The following MTMR7 variants were observed in gnomAD, a reference collection of about 807,000 sequenced individuals.
MTMR7 encodes myotubularin related protein 7, also known as phosphatidylinositol-3-phosphate phosphatase MTMR7.
Under a neutral mutation model 81.2 loss-of-function variants are expected in MTMR7, and 76 were observed. That is an observed-to-expected ratio of 0.94 (90% CI 0.78 to 1.13). The LOEUF (loss-of-function observed/expected upper bound fraction) is 1.13. Among genes scored for constraint, MTMR7 ranks in the 50% most tolerant of loss-of-function variants. The probability of loss-of-function intolerance (pLI) is 0.00; values close to 1 mark genes in which losing one functional copy is unlikely to be tolerated. For synonymous variants in MTMR7, 372 were observed against 289.8 expected (o/e 1.28, Z -2.88); for missense variants, 1,044 against 820.0 (o/e 1.27, Z -3.34).
intron 4 of MTMR7, among the ~76,000 whole-genome samples, chr8:17,358,418 A>G (rs1819960976): frequency 6.6e-6 from 1 of 152,208 alleles, no homozygotes; most frequent in South Asian, 2.1e-4. Flanking sequence ...ACATGTTAGG[A>G]CTTAAGGAGA....
chr8:17,380,643 AT>A (rs1179077336), intron 1 of MTMR7, among the ~76,000 whole-genome samples: 1 of 151,938 alleles, frequency 6.6e-6, no homozygotes, highest in East Asian at 1.9e-4. Context: ...ACATCCTCAA[AT>A]TCAAAGGGCA....
At chr8:17,407,937 G>A (rs563665363) in intron 1 of MTMR7, among the ~76,000 whole-genome samples, 3 of 152,270 alleles carry the variant, frequency 2.0e-5, no homozygotes, top group South Asian at 2.1e-4. Flanking sequence ...GTCTATCACA[G>A]ACAGAACTTG....
intron 6 of MTMR7, 44 bp from the exon 7 acceptor site, chr8:17,331,326 G>C (rs971790833): frequency 6.5e-7 from 1 of 1,536,902 alleles, no homozygotes. Flanking sequence ...TTACATTGAT[G>C]AAACAATGAT....
intron 4 of MTMR7, among the ~76,000 whole-genome samples, chr8:17,359,594 A>AAAAAAAC (rs1820000352): frequency 6.6e-6 from 1 of 151,480 alleles, no homozygotes; most frequent in African/African-American, 2.4e-5. Context: ...TAAAAAAAAA[A>AAAAAAAC]AAAAACCTGA....
chr8:17,328,690 C>A (rs1325545093), intron 7 of MTMR7, among the ~76,000 whole-genome samples: 5 of 152,088 alleles, frequency 3.3e-5, no homozygotes, highest in African/African-American at 1.2e-4. Flanking sequence ...TATGTACATC[C>A]TGCACATACC....
At chr8:17,398,999 T>C (rs1585122686) in intron 1 of MTMR7, among the ~76,000 whole-genome samples, 1 of 152,116 alleles carries the variant, frequency 6.6e-6, no homozygotes. Flanking sequence ...AAAAGACATA[T>C]ACAACAGACT....
At chr8:17,398,739 C>A (rs1262174678) in intron 1 of MTMR7, among the ~76,000 whole-genome samples, 1 of 151,832 alleles carries the variant, frequency 6.6e-6, no homozygotes, top group Non-Finnish European at 1.5e-5. Flanking sequence ...TTAAATGAAC[C>A]AATAAAAAAT....
chr8:17,395,406 C>T (rs1390790625), intron 1 of MTMR7, among the ~76,000 whole-genome samples: 1 of 152,032 alleles, frequency 6.6e-6, no homozygotes, highest in African/African-American at 2.4e-5. Context: ...GTTTGTGTCC[C>T]TGTTTTTAAT....
chr8:17,302,892 G>C (rs1028775200), intron 12 of MTMR7, among the ~76,000 whole-genome samples: 1 of 151,448 alleles, frequency 6.6e-6, no homozygotes, highest in African/African-American at 2.4e-5. Flanking sequence ...ATTTTTTTTA[G>C]TAGAGACAGG....
intron 7 of MTMR7, among the ~76,000 whole-genome samples, chr8:17,316,632 CA>C: frequency 6.6e-6 from 1 of 151,828 alleles, no homozygotes; most frequent in South Asian, 2.1e-4. Flanking sequence ...CAACCAACCA[CA>C]GAGCACAAAT....
intron 1 of MTMR7, among the ~76,000 whole-genome samples, chr8:17,387,867 G>C (rs376940568): frequency 6.6e-6 from 1 of 152,142 alleles, no homozygotes; most frequent in Non-Finnish European, 1.5e-5. Context: ...GATGATTTTG[G>C]ATAAGCCTGA....
At chr8:17,366,571 C>G (rs1214943666) in intron 3 of MTMR7, among the ~76,000 whole-genome samples, 2 of 151,998 alleles carry the variant, frequency 1.3e-5, no homozygotes, top group African/African-American at 4.8e-5. Flanking sequence ...AAACATTATG[C>G]TGAATTCAGG....
chr8:17,320,404 T>C lies in MTMR7; in HGVS notation c.866-7003A>G, dbSNP rs557283836. Among the ~76,000 whole-genome samples the C allele has an allele frequency of 1.6e-4, 24 of 152,160 alleles. No individual in the cohort carries two copies. The East Asian group carries it at 3.5e-3, about 22-fold the overall frequency. ...AAGACGGAGGGTGTGGTAAAGGGTA[T>C]GTTTTTTTTTGTAAGGTGGCAACAA... On this transcript the variant is annotated intron_variant, in intron 7 of 13. Transcript: ENST00000180173.
intron 2 of MTMR7, among the ~76,000 whole-genome samples, 190 bp from the exon 3 acceptor site, chr8:17,371,389 T>C (rs1820416076): frequency 6.6e-6 from 1 of 152,242 alleles, no homozygotes; most frequent in Non-Finnish European, 1.5e-5. Context: ...TTTATAATTT[T>C]ATTTTTCAAT....
At chr8:17,326,797 G>C (rs146946752) in intron 7 of MTMR7, among the ~76,000 whole-genome samples, 2 of 152,324 alleles carry the variant, frequency 1.3e-5, no homozygotes, top group African/African-American at 2.4e-5. Flanking sequence ...CTGCAGCCTT[G>C]AAAGATGCTA....
rs978725489 is a variant in MTMR7 at position 17,311,728 on chromosome 8, G to A, written c.976-92C>T. ...AGCCAGGTTTGACTGTATATTTACA[G>A]AAAGAAACAGCCAAAACGAAACACC... is the stretch of plus-strand genomic sequence containing the variant. On this transcript the variant is annotated intron_variant, in intron 8 of 13. Transcript: ENST00000180173. 5.8e-5 allele frequency: 91 copies of A among 1,570,504 alleles called. 1 individual carries two copies. The South Asian group carries it at 1.0e-3, about 17-fold the overall frequency.
intron 2 of MTMR7, among the ~76,000 whole-genome samples, chr8:17,372,816 G>A (rs933730935): frequency 6.6e-6 from 1 of 152,128 alleles, no homozygotes; most frequent in Non-Finnish European, 1.5e-5. Flanking sequence ...TGACAATGCT[G>A]AATCTGGCCT....
At chr8:17,408,641 C>A (rs1038470712) in intron 1 of MTMR7, among the ~76,000 whole-genome samples, 2 of 152,046 alleles carry the variant, frequency 1.3e-5, no homozygotes, top group African/African-American at 4.8e-5. Context: ...TAACAGAAAG[C>A]AAGCTGATTA....
chr8:17,349,624 G>T, intron 4 of MTMR7: 1 of 153,180 alleles, frequency 6.5e-6, no homozygotes, highest in Non-Finnish European at 1.5e-5. Flanking sequence ...GTTCTTCAAG[G>T]GCCAATCGAA....
Sources: gnomAD v4.1 joint callset for allele counts (sites outside exome capture counted in the v4.1 genomes callset) on GRCh38, gnomAD v4.1.1 for gene constraint, MANE v1.5 for transcripts, NCBI Gene and HGNC (gene_info 2026-07-23, HGNC 2026-07-21) for gene names.